ARHGAP6: variants seen among roughly 807,000 people sequenced by gnomAD.
The protein encoded by ARHGAP6 is rho GTPase-activating protein 6.
ARHGAP6 carries 16 observed loss-of-function variants against 55.7 expected under a neutral mutation model. The observed-to-expected ratio is 0.29, with a 90% CI of 0.19 to 0.44. ARHGAP6 has a LOEUF of 0.44. ARHGAP6 is among the 20% of genes least tolerant of loss of function. The probability of loss-of-function intolerance (pLI) is 1.00; values close to 1 mark genes in which losing one functional copy is unlikely to be tolerated. For synonymous variants in ARHGAP6, 382 were observed against 360.9 expected, an observed-to-expected ratio of 1.06 and a Z score of -0.66; for missense variants, 698 against 808.9, an observed-to-expected ratio of 0.86 and a Z score of 1.66.
At chrX:11,179,587 A>C in intron 6 of ARHGAP6, 135 bp from the exon 7 acceptor site, 1 of 703,986 alleles carries the variant, frequency 1.4e-6, no homozygotes, top group Non-Finnish European at 2.0e-6. Flanking sequence ...AGCAAACAAC[A>C]TCCTCACCTT....
intron 2 of ARHGAP6, among the ~76,000 whole-genome samples, chrX:11,226,221 CTA>C (rs745986716): frequency 2.7e-4 from 29 of 105,668 alleles, no homozygotes; most frequent in African/African-American, 9.7e-4. Flanking sequence ...CAATTCCCAC[CTA>C]TGAGTGAGAA....
intron 1 of ARHGAP6, among the ~76,000 whole-genome samples, chrX:11,297,908 A>T (rs2048112470): frequency 8.9e-6 from 1 of 112,483 alleles, no homozygotes; most frequent in South Asian, 3.7e-4. Context: ...AATTAAACAG[A>T]TTTACTCCCT....
chrX:11,610,089 G>T (rs1200871706), intron 1 of ARHGAP6, among the ~76,000 whole-genome samples: 2 of 107,064 alleles, frequency 1.9e-5, no homozygotes, highest in African/African-American at 3.5e-5. Context: ...TGCCTTCCAT[G>T]GGCCTGAGTT....
At chrX:11,240,087 T>TAA (rs1363825615) in intron 2 of ARHGAP6, among the ~76,000 whole-genome samples, 1 of 111,948 alleles carries the variant, frequency 8.9e-6, no homozygotes, top group African/African-American at 3.3e-5. Flanking sequence ...TGGGAGCCAT[T>TAA]CATTGTGCCT....
At chrX:11,179,661 G>A (rs945384982) in intron 6 of ARHGAP6, among the ~76,000 whole-genome samples, 2 of 104,276 alleles carry the variant, frequency 1.9e-5, no homozygotes, top group Non-Finnish European at 3.9e-5. Context: ...ACATATATAT[G>A]TATATATATG....
intron 1 of ARHGAP6, among the ~76,000 whole-genome samples, chrX:11,630,383 G>A (rs141071755): frequency 0.012 from 1,320 of 112,060 alleles, 20 homozygotes; most frequent in African/African-American, 0.041. Context: ...CAAAAGGGCA[G>A]ATTATGAAAC....
At chrX:11,403,237 G>A (rs1268173502) in intron 1 of ARHGAP6, among the ~76,000 whole-genome samples, 1 of 111,414 alleles carries the variant, frequency 9.0e-6, no homozygotes, top group Non-Finnish European at 1.9e-5. Flanking sequence ...ATGGGGGAGA[G>A]TTAGAGATAG....
chrX:11,467,533 G>T (rs2050305601), intron 1 of ARHGAP6, among the ~76,000 whole-genome samples: 1 of 111,489 alleles, frequency 9.0e-6, no homozygotes, highest in South Asian at 3.8e-4. Flanking sequence ...ATATATTATG[G>T]TATATACATA....
At chrX:11,563,459 C>T (rs1285079488) in intron 1 of ARHGAP6, among the ~76,000 whole-genome samples, 1 of 111,588 alleles carries the variant, frequency 9.0e-6, no homozygotes, top group Non-Finnish European at 1.9e-5. Flanking sequence ...TGTATGAAAT[C>T]TCACAAGATG....
intron 1 of ARHGAP6, among the ~76,000 whole-genome samples, chrX:11,605,969 C>A (rs1482295210): frequency 9.1e-6 from 1 of 109,359 alleles, no homozygotes; most frequent in Non-Finnish European, 1.9e-5. Context: ...AGTTGTGGGG[C>A]ATGGAGTGCT....
At chrX:11,167,210 A>T (rs1445034302) in intron 9 of ARHGAP6, among the ~76,000 whole-genome samples, 1 of 111,996 alleles carries the variant, frequency 8.9e-6, no homozygotes, top group East Asian at 2.8e-4. Flanking sequence ...GACCAAAAAA[A>T]TCATCCTGTC....
intron 1 of ARHGAP6, among the ~76,000 whole-genome samples, chrX:11,528,961 T>C (rs1265791321): frequency 8.9e-6 from 1 of 111,904 alleles, no homozygotes; most frequent in Non-Finnish European, 1.9e-5. Flanking sequence ...AGTGTAACTG[T>C]CAGTGGAGTG....
At chrX:11,644,499 T>C (rs1024949294) in intron 1 of ARHGAP6, among the ~76,000 whole-genome samples, 5 of 110,963 alleles carry the variant, frequency 4.5e-5, no homozygotes, top group African/African-American at 1.6e-4. Context: ...TAAATCTACC[T>C]GATTTTTAAA....
intron 1 of ARHGAP6, among the ~76,000 whole-genome samples, chrX:11,610,158 C>T (rs776544992): frequency 3.6e-5 from 4 of 110,018 alleles, no homozygotes; most frequent in Non-Finnish European, 7.6e-5. Context: ...ACAAAATATG[C>T]TGTATGACCA....
At chrX:11,596,515 A>G (rs2051905749) in intron 1 of ARHGAP6, among the ~76,000 whole-genome samples, 1 of 111,521 alleles carries the variant, frequency 9.0e-6, no homozygotes, top group Non-Finnish European at 1.9e-5. Context: ...TGGAACGTGT[A>G]TACCTATGTA....
chrX:11,504,946 C>T, intron 1 of ARHGAP6, among the ~76,000 whole-genome samples: 1 of 112,038 alleles, frequency 8.9e-6, no homozygotes, highest in East Asian at 2.8e-4. Flanking sequence ...ATGAAAACAT[C>T]TGGAAGATGA....
intron 1 of ARHGAP6, among the ~76,000 whole-genome samples, chrX:11,470,968 C>A (rs2050341478): frequency 8.9e-6 from 1 of 112,011 alleles, no homozygotes; most frequent in Non-Finnish European, 1.9e-5. Context: ...AACTTTCCTT[C>A]TTGTTTGCAT....
At chrX:11,662,771 T>C (rs2052715752) in intron 1 of ARHGAP6, among the ~76,000 whole-genome samples, 1 of 112,712 alleles carries the variant, frequency 8.9e-6, no homozygotes, top group East Asian at 2.8e-4. Flanking sequence ...AGCACGAATG[T>C]TAGCTAGCTA....
Position 11,196,905 on chromosome X carries a change from T to C in ARHGAP6, c.820+20A>G, listed in dbSNP as rs371706810. On this transcript the variant is annotated intron_variant, in intron 3 of 12. Transcript: ENST00000337414. ...ATGCTCCATGGAAGATGCATTTACATTGGGTACTTTACCCTTTACCTTTGT... is the reference window on the plus strand; with the variant it reads ...ATGCTCCATGGAAGATGCATTTACACTGGGTACTTTACCCTTTACCTTTGT... 7 of 907,046 alleles carry C rather than the reference T, an allele frequency of 7.7e-6. No individual in the cohort carries two copies. The highest frequency in any genetic ancestry group is 6.2e-5 in the East Asian group (2 of 32,320). 74.8% of individuals were successfully genotyped at this position (907,046 alleles called of 1,213,427 possible).
Sources: allele counts gnomAD v4.1 joint callset (sites outside exome capture counted in the v4.1 genomes callset), GRCh38; gene constraint gnomAD v4.1.1; transcripts MANE v1.5; gene names NCBI Gene and HGNC (gene_info 2026-07-23, HGNC 2026-07-21).